Variants in ELP4 observed in about 807,000 individuals in gnomAD.
ELP4 encodes the protein elongator acetyltransferase complex subunit 4, also known as elongator complex protein 4.
ELP4 carries 51 observed loss-of-function variants against 48.9 expected under a neutral mutation model. The ratio of observed to expected loss-of-function variants is 1.04; its 90% confidence interval spans 0.83 to 1.32. The LOEUF (loss-of-function observed/expected upper bound fraction) is 1.32. Among genes scored for constraint, ELP4 ranks in the 40% most tolerant of loss-of-function variants. The pLI, the probability that ELP4 is intolerant of heterozygous loss-of-function variation, is 0.00. For missense variants in ELP4, 519 were observed against 514.6 expected, an observed-to-expected ratio of 1.01 and a Z score of -0.08; for synonymous variants, 210 against 189.2, an observed-to-expected ratio of 1.11 and a Z score of -0.90.
intron 9 of ELP4, among the ~76,000 whole-genome samples, chr11:31,737,266 T>A (rs1411042965): frequency 6.6e-6 from 1 of 151,784 alleles, no homozygotes; most frequent in African/African-American, 2.4e-5. Flanking sequence ...GGAATTGAAC[T>A]ATGAGAACAC....
intron 9 of ELP4, among the ~76,000 whole-genome samples, chr11:31,713,333 A>T (rs759391626): frequency 1.3e-5 from 2 of 152,170 alleles, no homozygotes; most frequent in Non-Finnish European, 2.9e-5. Flanking sequence ...GTTGATTCTA[A>T]CTTTTCCTTT....
At chr11:31,599,942 A>G (rs1337644791) in intron 4 of ELP4, 1 of 152,182 alleles carries the variant, frequency 6.6e-6, no homozygotes, top group Non-Finnish European at 1.5e-5. Flanking sequence ...CGTAGACTTC[A>G]CTGTGTTTTC....
intron 3 of ELP4, among the ~76,000 whole-genome samples, chr11:31,575,947 C>A (rs1043384998): frequency 4.6e-5 from 7 of 152,050 alleles, no homozygotes; most frequent in Non-Finnish European, 1.0e-4. Flanking sequence ...ACAAAATTAA[C>A]CTTAAATGTA....
At chr11:31,603,630 T>G in intron 4 of ELP4, 138 bp from the exon 5 acceptor site, 1 of 677,136 alleles carries the variant, frequency 1.5e-6, no homozygotes, top group Non-Finnish European at 2.3e-6. Flanking sequence ...TCTTTGAAAT[T>G]TACTTAGTGT....
intron 9 of ELP4, among the ~76,000 whole-genome samples, chr11:31,759,792 CG>C (rs1263483688): frequency 3.0e-4 from 45 of 151,842 alleles, no homozygotes; most frequent in Non-Finnish European, 1.2e-4. Context: ...CTGCAACCTC[CG>C]CCTCTTGGGT....
At chr11:31,510,670 A>G in intron 1 of ELP4, 1 of 308,620 alleles carries the variant, frequency 3.2e-6, no homozygotes, top group Non-Finnish European at 5.8e-6. Flanking sequence ...GATTGCTGCT[A>G]CATTCCATAC....
chr11:31,658,085 G>A (rs1252697543), intron 9 of ELP4, among the ~76,000 whole-genome samples: 6 of 151,882 alleles, frequency 4.0e-5, no homozygotes, highest in African/African-American at 1.5e-4. Flanking sequence ...TTATTCTAAA[G>A]CCTGTGCTCT....
chr11:31,679,546 T>C (rs1946012093), intron 9 of ELP4, among the ~76,000 whole-genome samples: 1 of 152,166 alleles, frequency 6.6e-6, no homozygotes, highest in Non-Finnish European at 1.5e-5. Flanking sequence ...AAGTTTCTTT[T>C]TCTCAGAAGG....
At chr11:31,616,762 C>T (rs564807033) in intron 5 of ELP4, among the ~76,000 whole-genome samples, 1 of 152,112 alleles carries the variant, frequency 6.6e-6, no homozygotes, top group East Asian at 1.9e-4. Context: ...AGGCAAAGGA[C>T]TTGAATAGAC....
chr11:31,597,828 A>G (rs1957700489), intron 4 of ELP4, among the ~76,000 whole-genome samples: 4 of 152,016 alleles, frequency 2.6e-5, no homozygotes, highest in African/African-American at 7.2e-5. Context: ...TGGCCTCCCA[A>G]AGTGCTGGGA....
intron 3 of ELP4, among the ~76,000 whole-genome samples, chr11:31,542,347 C>T (rs1032964840): frequency 9.9e-5 from 15 of 152,124 alleles, no homozygotes; most frequent in Non-Finnish European, 7.3e-5. Flanking sequence ...AGGTATGCAT[C>T]GAGTGAGTTA....
In ELP4 at chr11:31,787,533, C is replaced by A. The variant is rs1222183722; in HGVS notation, c.*4009C>A. The A allele has an allele frequency of 2.6e-5, 6 of 232,834 alleles. No homozygotes were observed. In the Admixed American group the frequency reaches 2.8e-4, roughly 11 times the overall value. 14.4% of individuals were successfully genotyped at this position (232,834 alleles called of 1,614,324 possible). ...CCCACATAGCCCTTCTCTGACAGTTCCCTCAGCACACAGCCCTCAGGGAAT... is the reference window on the plus strand; with the variant it reads ...CCCACATAGCCCTTCTCTGACAGTTACCTCAGCACACAGCCCTCAGGGAAT... On this transcript the variant is annotated 3_prime_UTR_variant, in exon 10 of 10. Transcript: ENST00000640961.
Position 31,550,543 on chromosome 11 carries a change from A to G in ELP4, c.381+10760A>G, listed in dbSNP as rs535065956. 2.0e-5 allele frequency among the ~76,000 whole-genome samples: 3 copies of G among 152,316 alleles called. No homozygotes were observed. The East Asian group carries it at 5.8e-4, about 29-fold the overall frequency. ...GTCCTGGGAATTTAACTATGTCAGT[A>G]GTCTTTTTTACTTTAACTGAAGAAA... On this transcript the variant is annotated intron_variant, in intron 3 of 9. Coordinates refer to ENST00000640961, the MANE Select transcript of ELP4 (RefSeq NM_019040.5).
chr11:31,650,474 A>G (rs1245562229), intron 9 of ELP4: 4 of 322,768 alleles, frequency 1.2e-5, no homozygotes, highest in African/African-American at 6.4e-5. Flanking sequence ...CTCCAAACTT[A>G]CATGATAAAT....
At chr11:31,600,404 T>G (rs1233809727) in intron 4 of ELP4, 2 of 152,136 alleles carry the variant, frequency 1.3e-5, no homozygotes, top group Non-Finnish European at 2.9e-5. Context: ...TTCATGGCAG[T>G]GTGTTAAGTC....
In ELP4 at chr11:31,788,122, G is replaced by C. The variant is rs1347311765; in HGVS notation, c.*4598G>C. 2 of 224,042 alleles carry C rather than the reference G, an allele frequency of 8.9e-6. No homozygotes were observed. The highest frequency in any genetic ancestry group is 1.3e-4 in the East Asian group (2 of 15,514). 13.9% of individuals were successfully genotyped at this position (224,042 alleles called of 1,614,324 possible). A position where few individuals can be genotyped will look rare whatever the true frequency, so the allele number is the denominator to read the frequency against. ...AAAGGCTTATTTTTTTCCATCCTTT[G>C]CTTGGGCTCAAGCACTCCTGCCCTG... On this transcript the variant is annotated 3_prime_UTR_variant, in exon 10 of 10. Transcript: ENST00000640961.
intron 9 of ELP4, among the ~76,000 whole-genome samples, chr11:31,675,750 G>C (rs1158556179): frequency 6.6e-6 from 1 of 152,004 alleles, no homozygotes; most frequent in Non-Finnish European, 1.5e-5. Context: ...TTTTTCAGGT[G>C]TTTATAGGAA....
At chr11:31,590,858 GC>G (rs1374075247) in intron 3 of ELP4, among the ~76,000 whole-genome samples, 2 of 152,042 alleles carry the variant, frequency 1.3e-5, no homozygotes, top group African/African-American at 4.8e-5. Context: ...TGAGCAATCC[GC>G]CCCCATAATC....
chr11:31,602,632 C>T lies in ELP4; in HGVS notation c.514-1136C>T, dbSNP rs1385197712. 2.0e-5 allele frequency among the ~76,000 whole-genome samples: 3 copies of T among 151,812 alleles called. No homozygotes were observed. The East Asian group carries it at 5.8e-4, about 29-fold the overall frequency. On this transcript the variant is annotated intron_variant, in intron 4 of 9. Coordinates refer to ENST00000640961, the MANE Select transcript of ELP4 (RefSeq NM_019040.5). ...TTATTTCTTATTACTGTATAATTTC[C>T]TATTGGTAGGCATTTAGTTTAAGAA...
Sources: gnomAD v4.1 joint callset for allele counts (sites outside exome capture counted in the v4.1 genomes callset) on GRCh38, gnomAD v4.1.1 for gene constraint, MANE v1.5 for transcripts, NCBI Gene and HGNC (gene_info 2026-07-23, HGNC 2026-07-21) for gene names.